The following TBX1 variants were observed in gnomAD, a reference collection of about 807,000 sequenced individuals.
The protein encoded by TBX1 is T-box transcription factor TBX1.
TBX1 carries 16 observed loss-of-function variants against 40.8 expected under a neutral mutation model. That is an observed-to-expected ratio of 0.39 (90% CI 0.27 to 0.60). The LOEUF is 0.60. TBX1 is among the 20% of genes least tolerant of loss of function. The pLI, the probability that TBX1 is intolerant of heterozygous loss-of-function variation, is 0.51. For missense variants in TBX1, 755 were observed against 728.5 expected, an observed-to-expected ratio of 1.04 and a Z score of -0.42; for synonymous variants, 403 against 336.8, an observed-to-expected ratio of 1.20 and a Z score of -2.15.
In TBX1 at chr22:19,760,955, G is replaced by T; in HGVS notation, c.112G>T (p.Gly38Cys). 2.0e-6 allele frequency: 2 copies of T among 996,716 alleles called. No homozygotes were observed. The highest frequency in any genetic ancestry group is 1.8e-5 in the African/African-American group (1 of 56,834). 61.7% of individuals were successfully genotyped at this position (996,716 alleles called of 1,614,324 possible). A position where few individuals can be genotyped will look rare whatever the true frequency, so the allele number is the denominator to read the frequency against. ...CCTGGGGGCCGCGGGGGGCTTCCCG[G>T]GCGCCGCGTCGCCCGGCGCCGACCC... ...SSLGAAGGFP[G>C]AASPGADPYG... Residue 38 changes from glycine to cysteine, a missense_variant, in exon 1 of 7, where the codon GGC (glycine) becomes TGC (cysteine). Coordinates refer to ENST00000649276, the MANE Select transcript of TBX1 (RefSeq NM_001379200.1).
upstream of TBX1, among the ~76,000 whole-genome samples, chr22:19,760,184 A>G (rs1936595133): frequency 6.6e-6 from 1 of 150,718 alleles, no homozygotes; most frequent in Non-Finnish European, 1.5e-5. Context: ...AAGCGAAGTC[A>G]TAAAAAAGAA....
At position 19,777,744 on chromosome 22, in the gene TBX1, T is replaced by G. The variant is rs371159372; in HGVS notation, c.1010-1476T>G. On this transcript the variant is annotated intron_variant, in intron 8 of 8. Coordinates refer to the TBX1 transcript ENST00000329705. Reference sequence around the variant, plus strand: ...GTGTGCTGGGCACAGGTTCAGGGTGTGTTGTTACTCTTAATTTTTTTTTTT... The same window carrying G: ...GTGTGCTGGGCACAGGTTCAGGGTGGGTTGTTACTCTTAATTTTTTTTTTT... Among the ~76,000 whole-genome samples the G allele has an allele frequency of 1.1e-4, 16 of 151,144 alleles. No homozygotes were observed. In the East Asian group the frequency reaches 1.7e-3, roughly 16 times the overall value.
At chr22:19,783,028 C>T (rs1192013345), downstream of TBX1, 1 of 961,470 alleles carries the variant, frequency 1.0e-6, no homozygotes, top group Non-Finnish European at 1.7e-6. Context: ...CTTGAAGGTA[C>T]TCAGGTTGGT....
At chr22:19,764,013 C>T in intron 2 of TBX1, 142 bp from the exon 3 acceptor site, 1 of 883,536 alleles carries the variant, frequency 1.1e-6, no homozygotes, top group South Asian at 1.7e-5. Flanking sequence ...CTTGGAAAAG[C>T]TCCCAGCACA....
At chr22:19,782,856 C>T (rs978470794), downstream of TBX1, 3 of 1,613,798 alleles carry the variant, frequency 1.9e-6, no homozygotes, top group African/African-American at 4.0e-5. Context: ...AGGCCACAAA[C>T]ACTTTGACCT....
rs772562018 is a variant in TBX1, at chr22:19,779,338, C to T, written c.1128C>T (p.Pro376=). 7 of 1,614,202 alleles carry T rather than the reference C, an allele frequency of 4.3e-6. No individual in the cohort carries two copies. Among genetic ancestry groups the T allele is most frequent in the Admixed American group, 3.3e-5 (2 of 60,034 alleles). ...GTGTGAACCTGGGGCTCCCCTGCCC[C>T]GCAGAGTGCCAACCCTTCAATACCC... The change falls in exon 9 of 9, where the codon CCC becomes CCT. Residue 376 remains proline, a synonymous_variant. Coordinates refer to the TBX1 transcript ENST00000329705.
chr22:19,767,404 G>A (rs1040043503), downstream of TBX1: 1 of 985,712 alleles, frequency 1.0e-6, no homozygotes, highest in African/African-American at 1.7e-5. Context: ...GCGAGCCCGG[G>A]GTAGCTCAGG....
intron 6 of TBX1, 121 bp downstream of exon 6, chr22:19,766,123 A>T: frequency 1.1e-6 from 1 of 913,306 alleles, no homozygotes; most frequent in Non-Finnish European, 1.4e-6. Context: ...CGGTTGCACA[A>T]CGGCCGCGGC....
At chr22:19,760,564 G>A (rs1331553014), upstream of TBX1, among the ~76,000 whole-genome samples, 2 of 139,602 alleles carry the variant, frequency 1.4e-5, no homozygotes, top group Non-Finnish European at 3.1e-5. Flanking sequence ...CCGGGCGGTC[G>A]GGGGGCCCCG....
downstream of TBX1, among the ~76,000 whole-genome samples, chr22:19,768,684 G>A (rs920327098): frequency 6.6e-6 from 1 of 152,174 alleles, no homozygotes; most frequent in Non-Finnish European, 1.5e-5. Flanking sequence ...CAGCCATTCC[G>A]TACTCCACAT....
downstream of TBX1, among the ~76,000 whole-genome samples, chr22:19,770,936 A>G: frequency 6.6e-6 from 1 of 152,118 alleles, no homozygotes; most frequent in East Asian, 1.9e-4. Flanking sequence ...CCCGTGTTCC[A>G]GAGACTCTGT....
At chr22:19,776,200 G>A (rs537572293) in intron 8 of TBX1, among the ~76,000 whole-genome samples, 3 of 152,186 alleles carry the variant, frequency 2.0e-5, no homozygotes, top group East Asian at 1.9e-4. Flanking sequence ...GCCTGTGCTC[G>A]TGGCTCCGTG....
rs1252544416 is a variant in TBX1, at chr22:19,760,904, G to A, written c.61G>A (p.Ala21Thr). The A allele has an allele frequency of 1.9e-6, 2 of 1,059,144 alleles. No individual in the cohort carries two copies. Among genetic ancestry groups the A allele is most frequent in the African/African-American group, 1.7e-5 (1 of 57,946 alleles). The allele number at this position is 1,059,144 out of a possible 1,614,324, so 65.6% of individuals were successfully genotyped here. Residue 21 changes from alanine (A) to threonine (T), a missense_variant, in exon 1 of 7, where the codon GCC becomes ACC. Ala to Thr is a moderately conservative substitution (Grantham distance 58, BLOSUM62 0). Around this residue, in one of 3 missense-constraint regions of TBX1, gnomAD observed 199 missense variants for 173.0 expected, o/e 1.15. Coordinates refer to ENST00000649276, the MANE Select transcript of TBX1 (RefSeq NM_001379200.1). ...GCTCTCGCATTTCTGCGACGTTGCA[G>A]CCTTCACGGCCAGCAGCCTGAGCAG... ...TQLSHFCDVA[A>T]FTASSLSSLG...
At chr22:19,779,428 G>A (rs774350353) in exon 9 of TBX1, 1 of 1,614,020 alleles carries the variant, frequency 6.2e-7, no homozygotes, top group Non-Finnish European at 8.5e-7. Context: ...CGGGCCATGG[G>A]CACATGGAGT....
At chr22:19,760,573 C>T (rs910057940), upstream of TBX1, among the ~76,000 whole-genome samples, 31 of 136,662 alleles carry the variant, frequency 2.3e-4, no homozygotes, top group African/African-American at 7.9e-4. Flanking sequence ...CGGGGGGCCC[C>T]GGGCCGAGCG....
chr22:19,766,495 G>A lies in TBX1; in HGVS notation c.1143G>A (p.Ser381=). 2 of 1,309,726 alleles carry A rather than the reference G, an allele frequency of 1.5e-6. No individual in the cohort carries two copies. The highest frequency in any genetic ancestry group is 9.7e-7 in the Non-Finnish European group (1 of 1,030,620). 81.1% of individuals were successfully genotyped at this position (1,309,726 alleles called of 1,614,324 possible). ...TGCTGGCCCGGGTGCTAAGCCCCTC[G>A]CTGCCCGGGGCCGGCGGCGCCGGCG... ...PQLLARVLSP[S]LPGAGGAGGL... Residue 381 remains serine, a synonymous_variant, in exon 7 of 7, where the codon TCG becomes TCA. Transcript: ENST00000649276.
chr22:19,767,088 G>C lies in TBX1; in HGVS notation c.*221G>C. The C allele has an allele frequency of 7.9e-7, 1 of 1,267,268 alleles. No homozygotes were observed. The highest frequency in any genetic ancestry group is 1.6e-5 in the African/African-American group (1 of 63,936). 78.5% of individuals were successfully genotyped at this position (1,267,268 alleles called of 1,614,324 possible). A position where few individuals can be genotyped will look rare whatever the true frequency, so the allele number is the denominator to read the frequency against. ...TTCCCCAGTCCCTGGAGCCACCGCG[G>C]GTCCTTCCCCGGCCCCGAGGGCCAA... On this transcript the variant is annotated 3_prime_UTR_variant, in exon 7 of 7. Coordinates refer to ENST00000649276, the MANE Select transcript of TBX1 (RefSeq NM_001379200.1).
chr22:19,764,982 T>C lies in TBX1; in HGVS notation c.736T>C (p.Tyr246His). Residue 246 changes from tyrosine to histidine, a missense_variant, in exon 4 of 7, where the codon TAC (tyrosine) becomes CAC (histidine). Tyr to His is a moderately conservative substitution (Grantham distance 83). Around this residue, in one of 3 missense-constraint regions of TBX1, gnomAD observed 144 missense variants for 238.0 expected, o/e 0.61. Transcript: ENST00000649276. ...GATTATTCTGAATTCCATGCACAGA[T>C]ACCAGCCCCGCTTCCACGTGGTCTA... ...GHIILNSMHR[Y>H]QPRFHVVYVD... 1 of 1,614,160 alleles carries C rather than the reference T, an allele frequency of 6.2e-7. No homozygotes were observed. Among genetic ancestry groups the C allele is most frequent in the Non-Finnish European group, 8.5e-7 (1 of 1,180,012 alleles).
At chr22:19,775,980 C>T (rs968586852) in intron 8 of TBX1, among the ~76,000 whole-genome samples, 2 of 152,168 alleles carry the variant, frequency 1.3e-5, no homozygotes, top group African/African-American at 2.4e-5. Context: ...CGGAGGGTTA[C>T]CGGAGCCATC....
Sources: allele counts gnomAD v4.1 joint callset (sites outside exome capture counted in the v4.1 genomes callset), GRCh38; gene constraint gnomAD v4.1.1; regional missense constraint gnomAD v4.1.1; transcripts MANE v1.5; gene names NCBI Gene and HGNC (gene_info 2026-07-23, HGNC 2026-07-21).